CASQ1: variants seen among roughly 807,000 people sequenced by gnomAD.
CASQ1 encodes the protein calsequestrin-1.
A neutral mutation model predicts 49.5 loss-of-function variants in CASQ1; 40 were observed. The ratio of observed to expected loss-of-function variants is 0.81; its 90% CI spans 0.63 to 1.05. The LOEUF (loss-of-function observed/expected upper bound fraction) is 1.05, where lower values mean the gene tolerates loss of function less well. CASQ1 is among the 50% of genes least tolerant of loss of function. The pLI, the probability that CASQ1 is intolerant of heterozygous loss-of-function variation, is 0.00. For missense variants in CASQ1, 469 were observed against 486.9 expected, an observed-to-expected ratio of 0.96 and a Z score of 0.35; for synonymous variants, 174 against 187.2, an observed-to-expected ratio of 0.93 and a Z score of 0.58.
intron 7 of CASQ1, chr1:160,198,289 T>G (rs1341212319): frequency 5.5e-6 from 1 of 180,430 alleles, no homozygotes; most frequent in Non-Finnish European, 1.2e-5. Flanking sequence ...GCAGATCATC[T>G]GAGGTCAGGA....
chr1:160,199,045 T>A lies in CASQ1; in HGVS notation c.976T>A (p.Phe326Ile). Residue 326 changes from phenylalanine to isoleucine, a missense_variant, in exon 9 of 11, where the codon TTC (phenylalanine) becomes ATC (isoleucine). By Grantham distance (21) the Phe-to-Ile change is conservative (BLOSUM62 0). Transcript: ENST00000368078. ...LSIIWIDPDDFPLLVPYWEKT... is the reference protein window; with the variant it reads ...LSIIWIDPDDIPLLVPYWEKT... ...CATCATCTGGATTGACCCTGATGAC[T>A]TCCCCCTGGTAAGAGGCACAGCTCA... 1 of 1,591,634 alleles carries A rather than the reference T, an allele frequency of 6.3e-7. No homozygotes were observed. Among genetic ancestry groups the A allele is most frequent in the Non-Finnish European group, 8.6e-7 (1 of 1,159,452 alleles).
Position 160,198,978 on chromosome 1 carries a change from C to T in CASQ1, c.909C>T (p.Leu303=). Reference sequence around the variant, plus strand: ...ATGGTTTCGAGTTCTTAGAGACTCTCAAGGCTGTGGCCCAAGATAACACTG... The same window carrying T: ...ATGGTTTCGAGTTCTTAGAGACTCTTAAGGCTGTGGCCCAAGATAACACTG... ...DPDGFEFLET[L]KAVAQDNTEN... The change falls in exon 9 of 11, where the codon CTC becomes CTT. Residue 303 remains leucine, a synonymous_variant. Transcript: ENST00000368078. 6.2e-7 allele frequency: 1 copy of T among 1,612,496 alleles called. No individual in the cohort carries two copies. The highest frequency in any genetic ancestry group is 1.1e-5 in the South Asian group (1 of 91,036).
In CASQ1 at chr1:160,199,954, A is replaced by AC. The variant is rs1398108245; in HGVS notation, c.1059+34dup. 3 of 1,474,604 alleles carry AC rather than the reference A, an allele frequency of 2.0e-6. No individual in the cohort carries two copies. In the African/African-American group the frequency reaches 4.2e-5, roughly 20 times the overall value. The allele number at this position is 1,474,604 out of a possible 1,614,324, so 91.3% of individuals were successfully genotyped here. A position where few individuals can be genotyped will look rare whatever the true frequency, so the allele number is the denominator to read the frequency against. ...AGTTTCCTGTCCTCATCCCGGGTTG[A>AC]CCCCCGACTCTACTTCCTAGCATAG... On this transcript the variant is annotated intron_variant, in intron 10 of 10. Transcript: ENST00000368078.
At chr1:160,194,687 C>A (rs1654176095) in intron 3 of CASQ1, among the ~76,000 whole-genome samples, 2 of 151,564 alleles carry the variant, frequency 1.3e-5, no homozygotes, top group African/African-American at 4.9e-5. Context: ...GTAGGCCACA[C>A]ATCACCTACA....
At chr1:160,199,177 AT>A in intron 9 of CASQ1, 124 bp downstream of exon 9, 1 of 702,866 alleles carries the variant, frequency 1.4e-6, no homozygotes, top group African/African-American at 1.7e-5. Flanking sequence ...CTGGGAGGGT[AT>A]GCGTGTTGCA....
rs867379982 is a variant in CASQ1, at chr1:160,198,144, G to A, written c.828+530G>A. On this transcript the variant is annotated intron_variant, in intron 7 of 10. Coordinates refer to ENST00000368078, the MANE Select transcript of CASQ1 (RefSeq NM_001231.5). The stretch of plus-strand genomic sequence containing the variant: ...AAGAGCCTCAAGCCTGGGGATAAAG[G>A]GATTATCAGAGGAAGTGTGGGGCCT... 15 of 161,924 alleles carry A rather than the reference G, an allele frequency of 9.3e-5. No individual in the cohort carries two copies. In the South Asian group the frequency reaches 1.2e-3, roughly 13 times the overall value. 10.0% of individuals were successfully genotyped at this position (161,924 alleles called of 1,614,324 possible).
chr1:160,194,026 T>TGG (rs1654143795), intron 3 of CASQ1, among the ~76,000 whole-genome samples, 179 bp downstream of exon 3: 1 of 146,040 alleles, frequency 6.8e-6, no homozygotes, highest in Admixed American at 6.8e-5. Flanking sequence ...ACACACCACC[T>TGG]GCATACACAC....
chr1:160,196,780 GTTCT>G (rs1415021291), intron 6 of CASQ1, among the ~76,000 whole-genome samples: 2 of 152,114 alleles, frequency 1.3e-5, no homozygotes, highest in African/African-American at 2.4e-5. Context: ...CTGGCCCCAT[GTTCT>G]TTCTAATACA....
chr1:160,197,851 T>C (rs555545615), intron 7 of CASQ1, among the ~76,000 whole-genome samples: 2 of 151,840 alleles, frequency 1.3e-5, no homozygotes, highest in Non-Finnish European at 2.9e-5. Flanking sequence ...ACCCCATCTC[T>C]ACTGAAAATA....
chr1:160,195,968 C>T lies in CASQ1; in HGVS notation c.723C>T (p.Thr241=), dbSNP rs750596833. ...AGGCCTTCATGGAAGAGCCTGTGACCATCCCAGACAAGCCCAATAGCGAAG... is the reference window on the plus strand; with the variant it reads ...AGGCCTTCATGGAAGAGCCTGTGACTATCCCAGACAAGCCCAATAGCGAAG... ...FYEAFMEEPV[T]IPDKPNSEEE... Residue 241 remains threonine (T), a synonymous_variant, in exon 6 of 11, where the codon ACC becomes ACT. Transcript: ENST00000368078. The T allele has an allele frequency of 6.2e-6, 10 of 1,613,852 alleles. No individual in the cohort carries two copies. Among genetic ancestry groups the T allele is most frequent in the Non-Finnish European group, 8.5e-6 (10 of 1,179,870 alleles).
chr1:160,193,775 A>C lies in CASQ1; in HGVS notation c.393A>C (p.Val131=), dbSNP rs1341722159. The C allele has an allele frequency of 6.2e-7, 1 of 1,612,414 alleles. No homozygotes were observed. Among genetic ancestry groups the C allele is most frequent in the Non-Finnish European group, 8.5e-7 (1 of 1,178,824 alleles). The part of the protein sequence containing the change: ...LGLTEVDSMY[V]FKGDEVIEYD... ...TAACTGAAGTGGACAGCATGTATGT[A>C]TTCAAGGGAGATGAAGTCATTGAGT... The change falls in exon 3 of 11, where the codon GTA becomes GTC. Residue 131 remains valine, a synonymous_variant. Coordinates refer to ENST00000368078, the MANE Select transcript of CASQ1 (RefSeq NM_001231.5).
At chr1:160,200,069 CTT>C (rs1654333422) in intron 10 of CASQ1, 144 bp downstream of exon 10, 2 of 676,050 alleles carry the variant, frequency 3.0e-6, no homozygotes, top group Middle Eastern at 3.8e-4. Context: ...GAGGGGGAGA[CTT>C]AGGATCTGAA....
In CASQ1 at chr1:160,201,598, T is replaced by C; in HGVS notation, c.*222T>C. On this transcript the variant is annotated 3_prime_UTR_variant, in exon 11 of 11. Coordinates refer to ENST00000368078, the MANE Select transcript of CASQ1 (RefSeq NM_001231.5). ...CCAGCTCTCTCTTATCTGACTTCTG[T>C]TTCTTATCCCATAACTTACTTGTAT... 1.7e-6 allele frequency: 1 copy of C among 585,536 alleles called. No individual in the cohort carries two copies. Among genetic ancestry groups the C allele is most frequent in the Non-Finnish European group, 3.1e-6 (1 of 327,690 alleles). The allele number at this position is 585,536 out of a possible 1,614,324, so 36.3% of individuals were successfully genotyped here.
At position 160,192,889 on chromosome 1, in the gene CASQ1, A is replaced by G; in HGVS notation, c.364+3A>G. 6.2e-7 allele frequency: 1 copy of G among 1,613,002 alleles called. No individual in the cohort carries two copies. Among genetic ancestry groups the G allele is most frequent in the Non-Finnish European group, 8.5e-7 (1 of 1,179,096 alleles). On this transcript the variant is annotated splice_donor_region_variant and intron_variant, in intron 2 of 10. Coordinates refer to ENST00000368078, the MANE Select transcript of CASQ1 (RefSeq NM_001231.5). ...TGCAGCTGTGGCCAAGAAACTAGGT[A>G]AGAGAGGGGAGGGCAGGGGAGGGGA...
In CASQ1 at chr1:160,193,791, G is replaced by A. The variant is rs757913795; in HGVS notation, c.409G>A (p.Val137Ile). 6.2e-7 allele frequency: 1 copy of A among 1,613,066 alleles called. No individual in the cohort carries two copies. The highest frequency in any genetic ancestry group is 8.5e-7 in the Non-Finnish European group (1 of 1,179,318). The change falls in exon 3 of 11, where the codon GTC becomes ATC. Residue 137 changes from valine (V) to isoleucine (I), a missense_variant. Coordinates refer to ENST00000368078, the MANE Select transcript of CASQ1 (RefSeq NM_001231.5). Reference sequence around the variant, plus strand: ...CATGTATGTATTCAAGGGAGATGAAGTCATTGAGTACGATGGCGAGTTTTC... The same window carrying A: ...CATGTATGTATTCAAGGGAGATGAAATCATTGAGTACGATGGCGAGTTTTC... The part of the protein sequence containing the change: ...DSMYVFKGDE[V>I]IEYDGEFSAD...
Position 160,201,293 on chromosome 1 carries a change from G to A in CASQ1, c.1108G>A (p.Ala370Thr), listed in dbSNP as rs1026648921. The A allele has an allele frequency of 1.2e-6, 2 of 1,613,636 alleles. No homozygotes were observed. Among genetic ancestry groups the A allele is most frequent in the African/African-American group, 1.3e-5 (1 of 74,914 alleles). Residue 370 changes from alanine (A) to threonine (T), a missense_variant, in exon 11 of 11, where the codon GCT (alanine) becomes ACT (threonine). Transcript: ENST00000368078. The part of the protein sequence containing the change: ...EMDDEEDLPS[A>T]EELEDWLEDV... The stretch of plus-strand genomic sequence containing the variant: ...GGACGATGAGGAGGACCTGCCTTCT[G>A]CTGAGGAGCTGGAGGACTGGCTGGA...
Position 160,201,480 on chromosome 1 carries a change from C to T in CASQ1, c.*104C>T. ...TCCAGGGAGACTAGGTTATTCTCTG[C>T]CATAGAGCTAACTGGGGTCTATATG... On this transcript the variant is annotated 3_prime_UTR_variant, in exon 11 of 11. Coordinates refer to ENST00000368078, the MANE Select transcript of CASQ1 (RefSeq NM_001231.5). 1.6e-6 allele frequency: 2 copies of T among 1,261,142 alleles called. No homozygotes were observed. The highest frequency in any genetic ancestry group is 2.2e-6 in the Non-Finnish European group (2 of 894,602). 78.1% of individuals were successfully genotyped at this position (1,261,142 alleles called of 1,614,324 possible).
Position 160,195,074 on chromosome 1 carries a change from T to G in CASQ1, c.528T>G (p.Ile176Met). 6.2e-7 allele frequency: 1 copy of G among 1,613,388 alleles called. No homozygotes were observed. The highest frequency in any genetic ancestry group is 1.1e-5 in the South Asian group (1 of 91,034). Reference protein sequence around the residue: ...GERELQAFENIEDEIKLIGYF... With the variant: ...GERELQAFENMEDEIKLIGYF... ...GAGAGCTGCAGGCGTTTGAGAATAT[T>G]GAGGATGAGATCAAACTCATTGGCT... The change falls in exon 4 of 11, where the codon ATT becomes ATG. Residue 176 changes from isoleucine to methionine, a missense_variant. By Grantham distance (10) the Ile-to-Met change is conservative (BLOSUM62 1). Coordinates refer to ENST00000368078, the MANE Select transcript of CASQ1 (RefSeq NM_001231.5).
chr1:160,201,279 A>G lies in CASQ1; in HGVS notation c.1094A>G (p.Glu365Gly). 1 of 1,613,686 alleles carries G rather than the reference A, an allele frequency of 6.2e-7. No individual in the cohort carries two copies. ...GTATGGATGGAAATGGACGATGAGG[A>G]GGACCTGCCTTCTGCTGAGGAGCTG... ...DSVWMEMDDE[E>G]DLPSAEELED... Residue 365 changes from glutamate to glycine, a missense_variant, in exon 11 of 11, where the codon GAG (glutamate) becomes GGG (glycine). Physicochemically the swap from Glu to Gly is moderately conservative, Grantham distance 98 (BLOSUM62 -2). Transcript: ENST00000368078.
Sources: gnomAD v4.1 joint callset for allele counts (sites outside exome capture counted in the v4.1 genomes callset) on GRCh38, gnomAD v4.1.1 for gene constraint, MANE v1.5 for transcripts, NCBI Gene and HGNC (gene_info 2026-07-23, HGNC 2026-07-21) for gene names.